RANBP2: variants seen among roughly 807,000 people sequenced by gnomAD.
The protein encoded by RANBP2 is E3 SUMO-protein ligase RanBP2.
RANBP2 carries 57 observed loss-of-function variants against 303.6 expected under a neutral mutation model. The observed-to-expected ratio is 0.19, with a 90% CI of 0.15 to 0.23. The LOEUF (loss-of-function observed/expected upper bound fraction) is 0.23, where lower values mean the gene tolerates loss of function less well. Among genes scored for constraint, RANBP2 ranks in the 10% least tolerant of loss-of-function variants. The pLI is 1.00. For missense variants in RANBP2, 3,138 were observed against 3,780.8 expected (o/e 0.83, Z 4.46); for synonymous variants, 1,167 against 1,301.5 (o/e 0.90, Z 2.23).
the RANBP2 span, among the ~76,000 whole-genome samples, chr2:109,318,293 G>C: frequency 1.3e-5 from 2 of 152,026 alleles, no homozygotes; most frequent in African/African-American, 4.8e-5. Context: ...CCATGCGACT[G>C]CTCCTCCTAG....
At chr2:108,978,380 C>G in the RANBP2 span, among the ~76,000 whole-genome samples, 1 of 152,126 alleles carries the variant, frequency 6.6e-6, no homozygotes, top group South Asian at 2.1e-4. Context: ...GTACAAAAAG[C>G]TCAGTAAAAA....
the RANBP2 span, among the ~76,000 whole-genome samples, chr2:109,270,568 G>A: frequency 6.6e-6 from 1 of 152,178 alleles, no homozygotes; most frequent in Non-Finnish European, 1.5e-5. Flanking sequence ...GGGCAGTGTG[G>A]CCGTTTCAGG....
chr2:109,625,365 A>G, the RANBP2 span, among the ~76,000 whole-genome samples: 18 of 152,162 alleles, frequency 1.2e-4, no homozygotes, highest in African/African-American at 4.3e-4. Flanking sequence ...TTAAAAATAA[A>G]TGAAGTAGGC....
chr2:108,911,303 C>A, the RANBP2 span, among the ~76,000 whole-genome samples: 4 of 152,320 alleles, frequency 2.6e-5, no homozygotes, highest in East Asian at 7.7e-4. Flanking sequence ...CCTCTCCAGA[C>A]TTCTCTGGGG....
the RANBP2 span, among the ~76,000 whole-genome samples, chr2:109,657,282 CA>C: frequency 3.1e-4 from 47 of 151,950 alleles, no homozygotes; most frequent in Non-Finnish European, 6.8e-4. Context: ...CTCGTTTCTA[CA>C]AAAAAATACA....
the RANBP2 span, among the ~76,000 whole-genome samples, chr2:109,431,173 G>A: frequency 4.1e-4 from 62 of 152,274 alleles, 1 homozygote; most frequent in East Asian, 0.011. Flanking sequence ...TGCAATGGTG[G>A]GGTCTATGAG....
At chr2:109,189,348 T>TA in the RANBP2 span, among the ~76,000 whole-genome samples, 1 of 149,526 alleles carries the variant, frequency 6.7e-6, no homozygotes, top group African/African-American at 2.5e-5. Context: ...GAGAGGAACT[T>TA]ACGTGTTCAG....
the RANBP2 span, chr2:109,129,821 G>A: frequency 6.5e-7 from 1 of 1,537,234 alleles, no homozygotes; most frequent in Non-Finnish European, 8.7e-7. Context: ...GAGCTGCGCT[G>A]CCCCGAGTGC....
the RANBP2 span, among the ~76,000 whole-genome samples, chr2:109,143,459 T>C: frequency 6.6e-6 from 1 of 152,108 alleles, no homozygotes; most frequent in Admixed American, 6.5e-5. Flanking sequence ...GAAAGTGCAG[T>C]GGGCTGGGTG....
the RANBP2 span, chr2:109,503,812 C>CGTG: frequency 6.6e-6 from 1 of 152,148 alleles, no homozygotes; most frequent in South Asian, 2.1e-4. Flanking sequence ...GCATGGCCCA[C>CGTG]GTGGTGCTTC....
the RANBP2 span, among the ~76,000 whole-genome samples, chr2:109,625,754 G>T: frequency 1.3e-5 from 2 of 152,148 alleles, no homozygotes; most frequent in Non-Finnish European, 2.9e-5. Flanking sequence ...TGAAGAGAAA[G>T]AAAAGCGAAT....
chr2:108,842,949 G>T, the RANBP2 span, among the ~76,000 whole-genome samples: 1 of 151,886 alleles, frequency 6.6e-6, no homozygotes, highest in Admixed American at 6.6e-5. Flanking sequence ...TTCTGTATAC[G>T]CTTAGAACCA....
chr2:109,552,339 T>C, the RANBP2 span, among the ~76,000 whole-genome samples: 8 of 152,274 alleles, frequency 5.3e-5, no homozygotes, highest in South Asian at 1.2e-3. Context: ...CCTTCACAGA[T>C]ATCCATTTCA....
At chr2:108,913,605 C>A in the RANBP2 span, among the ~76,000 whole-genome samples, 1 of 151,858 alleles carries the variant, frequency 6.6e-6, no homozygotes, top group East Asian at 2.0e-4. Context: ...GAAATAATAG[C>A]TTCTTGATTT....
At chr2:108,912,583 A>G in the RANBP2 span, 13 of 1,219,794 alleles carry the variant, frequency 1.1e-5, no homozygotes, top group African/African-American at 9.0e-5. Flanking sequence ...GAAGCGCACC[A>G]TAATCATCAC....
At chr2:108,919,649 C>T in the RANBP2 span, among the ~76,000 whole-genome samples, 3 of 152,184 alleles carry the variant, frequency 2.0e-5, no homozygotes, top group Non-Finnish European at 2.9e-5. Flanking sequence ...TGAGCCACTG[C>T]GCCTGGCCCT....
chr2:109,547,658 T>C, the RANBP2 span, among the ~76,000 whole-genome samples: 2 of 152,126 alleles, frequency 1.3e-5, no homozygotes, highest in Non-Finnish European at 2.9e-5. Context: ...GAATGCCCTA[T>C]ATGGATCATA....
At position 108,784,490 on chromosome 2, in the gene RANBP2, T is replaced by C. The variant is rs1678468694; in HGVS notation, c.*589T>C. 1 of 152,718 alleles carries C rather than the reference T, an allele frequency of 6.5e-6. No individual in the cohort carries two copies. The highest frequency in any genetic ancestry group is 6.5e-5 in the Admixed American group (1 of 15,286). 9.5% of individuals were successfully genotyped at this position (152,718 alleles called of 1,614,324 possible). On this transcript the variant is annotated 3_prime_UTR_variant, in exon 29 of 29. Coordinates refer to ENST00000283195, the MANE Select transcript of RANBP2 (RefSeq NM_006267.5). ...AGTAGCGTACCTTCCTTCCTTAAAA[T>C]ATCTAGCTTCCTGTGCCCTTTCATA...
intron 17 of RANBP2, among the ~76,000 whole-genome samples, chr2:108,756,009 C>T (rs1676288095): frequency 6.6e-6 from 1 of 152,208 alleles, no homozygotes; most frequent in South Asian, 2.1e-4. Flanking sequence ...CAGGTGTAAA[C>T]CCCCGAGCCC....
Sources: gnomAD v4.1 joint callset for allele counts (sites outside exome capture counted in the v4.1 genomes callset) on GRCh38, gnomAD v4.1.1 for gene constraint, MANE v1.5 for transcripts, NCBI Gene and HGNC (gene_info 2026-07-23, HGNC 2026-07-21) for gene names.